Variants in KCNK18 observed in about 807,000 individuals in gnomAD.
KCNK18 encodes the protein potassium channel subfamily K member 18.
Under a neutral mutation model 11.8 loss-of-function variants are expected in KCNK18, and 8 were observed. That is an observed-to-expected ratio of 0.68 (90% CI 0.40 to 1.22). The LOEUF is 1.22. KCNK18 is among the 50% of genes most tolerant of loss of function. KCNK18 has a pLI of 0.01. For missense variants in KCNK18, 442 were observed against 465.4 expected, an observed-to-expected ratio of 0.95 and a Z score of 0.46; for synonymous variants, 208 against 185.8, an observed-to-expected ratio of 1.12 and a Z score of -0.97.
At chr10:117,202,303 C>G (rs747937367) in intron 2 of KCNK18, among the ~76,000 whole-genome samples, 2 of 152,250 alleles carry the variant, frequency 1.3e-5, no homozygotes, top group Admixed American at 1.3e-4. Context: ...ACCTGCCTCT[C>G]AGGGTCAGCT....
intron 2 of KCNK18, among the ~76,000 whole-genome samples, chr10:117,207,581 T>C (rs1855091069): frequency 6.6e-6 from 1 of 152,226 alleles, no homozygotes; most frequent in African/African-American, 2.4e-5. Flanking sequence ...TGCACATAGT[T>C]AACTGACGCT....
At chr10:117,206,407 T>C (rs1382234776) in intron 2 of KCNK18, among the ~76,000 whole-genome samples, 1 of 152,138 alleles carries the variant, frequency 6.6e-6, no homozygotes, top group Non-Finnish European at 1.5e-5. Flanking sequence ...CTTGTAATGG[T>C]ACCTAGGGCC....
rs138520026 is a variant in KCNK18, at chr10:117,209,633, T to C, written c.489T>C (p.Tyr163=). Residue 163 remains tyrosine (Y), a synonymous_variant, in exon 3 of 3, where the codon TAT becomes TAC. Coordinates refer to ENST00000334549, the MANE Select transcript of KCNK18 (RefSeq NM_181840.1). ...TGGCAACCATCTTATCTACATCTTA[T>C]AATCGGTTCCGAAAATTCCCTTTCT... ...DILATILSTS[Y]NRFRKFPFFT... is the part of the protein sequence containing the mutation. The C allele has an allele frequency of 1.6e-3, 2,554 of 1,614,166 alleles. 4 individuals are homozygous for C. The highest frequency in any genetic ancestry group is 1.9e-3 in the Non-Finnish European group (2,194 of 1,180,032).
intron 2 of KCNK18, among the ~76,000 whole-genome samples, chr10:117,202,987 G>C (rs2420311): frequency 0.072 from 10,003 of 138,436 alleles, 543 homozygotes; most frequent in Admixed American, 0.19. Flanking sequence ...AGTGATTCTT[G>C]TGTCTCAGTC....
rs750157980 is a variant in KCNK18 at position 117,202,885 on chromosome 10, G to GTTTTTTTTTTTTT, written c.352+1598_352+1599insTTTTTTTTTTTTT. ...CGTGGTTTCTCCCATTTGCCTGAAT[G>GTTTTTTTTTTTTT]CTTTTTTTTTTTTTTTTTTTTTTGA... On this transcript the variant is annotated intron_variant, in intron 2 of 2. Coordinates refer to ENST00000334549, the MANE Select transcript of KCNK18 (RefSeq NM_181840.1). Among the ~76,000 whole-genome samples, 28 of 111,272 alleles carry GTTTTTTTTTTTTT rather than the reference G, an allele frequency of 2.5e-4. 7 individuals carry two copies. Among genetic ancestry groups the GTTTTTTTTTTTTT allele is most frequent in the Admixed American group, 3.2e-4 (3 of 9,520 alleles). The allele number at this position is 111,272 out of a possible 152,430, so 73.0% of individuals were successfully genotyped here.
chr10:117,207,128 A>C (rs1225840472), intron 2 of KCNK18, among the ~76,000 whole-genome samples: 1 of 152,152 alleles, frequency 6.6e-6, no homozygotes, highest in Non-Finnish European at 1.5e-5. Flanking sequence ...CCCTGGGTTC[A>C]AGTGATTCTC....
intron 2 of KCNK18, among the ~76,000 whole-genome samples, chr10:117,202,845 C>A (rs1018863717): frequency 6.7e-6 from 1 of 149,962 alleles, no homozygotes; most frequent in East Asian, 2.0e-4. Flanking sequence ...CCCAGGAGGG[C>A]TCTCACAGCC....
At chr10:117,202,835 CCCAGGAGGGCTCT>C (rs1332947058) in intron 2 of KCNK18, among the ~76,000 whole-genome samples, 2 of 149,102 alleles carry the variant, frequency 1.3e-5, no homozygotes, top group African/African-American at 4.9e-5. Context: ...GCCACACAGC[CCCAGGAGGGCTCT>C]CACAGCCCCC....
At chr10:117,206,675 C>T (rs568900896) in intron 2 of KCNK18, among the ~76,000 whole-genome samples, 1 of 152,222 alleles carries the variant, frequency 6.6e-6, no homozygotes, top group Non-Finnish European at 1.5e-5. Flanking sequence ...CTGGCCTTCT[C>T]TTGGTTCCTT....
Position 117,201,087 on chromosome 10 carries a change from C to T in KCNK18, c.224-72C>T, listed in dbSNP as rs1855008805. 51 of 1,594,140 alleles carry T rather than the reference C, an allele frequency of 3.2e-5. No individual in the cohort carries two copies. In the Admixed American group the frequency reaches 4.7e-4, roughly 15 times the overall value. On this transcript the variant is annotated intron_variant, in intron 1 of 2. Coordinates refer to ENST00000334549, the MANE Select transcript of KCNK18 (RefSeq NM_181840.1). The stretch of plus-strand genomic sequence containing the variant: ...TGCTGGTCCTTGGGGAAGACTATCC[C>T]TTTCACTGGGGCGGGGCTTGTCTTT...
At chr10:117,201,117 G>A in intron 1 of KCNK18, 42 bp from the exon 2 acceptor site, 1 of 1,613,292 alleles carries the variant, frequency 6.2e-7, no homozygotes, top group Non-Finnish European at 8.5e-7. Flanking sequence ...GTCTTTACCA[G>A]CAGAACCTTT....
intron 1 of KCNK18, among the ~76,000 whole-genome samples, chr10:117,198,966 G>T (rs1212073796): frequency 6.6e-6 from 1 of 152,176 alleles, no homozygotes; most frequent in African/African-American, 2.4e-5. Context: ...CACATCCCCA[G>T]GCTCTTCTCC....
At chr10:117,207,793 A>G (rs773796884) in intron 2 of KCNK18, among the ~76,000 whole-genome samples, 3 of 152,218 alleles carry the variant, frequency 2.0e-5, no homozygotes, top group Non-Finnish European at 4.4e-5. Flanking sequence ...GCACTTCTGG[A>G]GGAAGTTGGG....
intron 2 of KCNK18, among the ~76,000 whole-genome samples, chr10:117,205,937 C>T (rs916053263): frequency 1.2e-4 from 19 of 152,158 alleles, no homozygotes; most frequent in Admixed American, 1.0e-3. Context: ...GTAGTCCCAG[C>T]TACTCAGGAG....
At position 117,201,256 on chromosome 10, in the gene KCNK18, C is replaced by G. The variant is rs752022060; in HGVS notation, c.321C>G (p.Leu107=). ...RTTHWSFLSS[L]FFCCTVFSTV... The stretch of plus-strand genomic sequence containing the variant: ...CACACTGGTCCTTCCTGAGCTCGCT[C>G]TTTTTCTGCTGCACGGTGTTCAGCA... The change falls in exon 2 of 3, where the codon CTC becomes CTG. Residue 107 remains leucine (L), a synonymous_variant. Transcript: ENST00000334549. The G allele has an allele frequency of 7.4e-6, 12 of 1,613,910 alleles. No individual in the cohort carries two copies. Among genetic ancestry groups the G allele is most frequent in the Admixed American group, 1.7e-5 (1 of 59,996 alleles).
Position 117,209,860 on chromosome 10 carries a change from C to A in KCNK18, c.716C>A (p.Thr239Lys), listed in dbSNP as rs761005899. The change falls in exon 3 of 3, where the codon ACA becomes AAA. Residue 239 changes from threonine to lysine, a missense_variant. Coordinates refer to ENST00000334549, the MANE Select transcript of KCNK18 (RefSeq NM_181840.1). ...TCTCATGCGCTAGAGAAACAGAACA[C>A]ACTGCAACTGCCCCCACAAGCCATG... ...ERSHALEKQN[T>K]LQLPPQAMER... 2 of 1,614,182 alleles carry A rather than the reference C, an allele frequency of 1.2e-6. No homozygotes were observed. The highest frequency in any genetic ancestry group is 3.3e-5 in the Admixed American group (2 of 60,026).
intron 2 of KCNK18, among the ~76,000 whole-genome samples, chr10:117,207,685 C>G (rs1354823978): frequency 6.6e-6 from 1 of 152,136 alleles, no homozygotes; most frequent in Non-Finnish European, 1.5e-5. Flanking sequence ...GCCACAGCTC[C>G]CTCCCCTACA....
intron 1 of KCNK18, among the ~76,000 whole-genome samples, chr10:117,198,691 G>C (rs1348442859): frequency 2.6e-5 from 4 of 152,188 alleles, no homozygotes; most frequent in Admixed American, 6.5e-5. Context: ...ACTCTGGTGT[G>C]GGGGCTCCTT....
chr10:117,208,120 G>A (rs1261868080), intron 2 of KCNK18, among the ~76,000 whole-genome samples: 1 of 152,164 alleles, frequency 6.6e-6, no homozygotes, highest in Non-Finnish European at 1.5e-5. Context: ...GCCCCCGGAT[G>A]CTCCTGAGGG....
Sources: gnomAD v4.1 joint callset for allele counts (sites outside exome capture counted in the v4.1 genomes callset) on GRCh38, gnomAD v4.1.1 for gene constraint, MANE v1.5 for transcripts, NCBI Gene and HGNC (gene_info 2026-07-23, HGNC 2026-07-21) for gene names.